Variants in CTNND2 observed in about 807,000 individuals in gnomAD.
CTNND2 encodes the protein catenin delta-2.
Under a neutral mutation model 144.4 loss-of-function variants are expected in CTNND2, and 22 were observed. The ratio of observed to expected loss-of-function variants is 0.15; its 90% CI spans 0.11 to 0.22. The LOEUF (loss-of-function observed/expected upper bound fraction) is 0.22, where lower values mean the gene tolerates loss of function less well. Ranked by LOEUF, CTNND2 falls within the 10% of genes least tolerant of loss-of-function variation. The pLI is 1.00. For synonymous variants in CTNND2, 751 were observed against 695.6 expected, an observed-to-expected ratio of 1.08 and a Z score of -1.25; for missense variants, 1,353 against 1,618.8, an observed-to-expected ratio of 0.84 and a Z score of 2.82.
chr5:11,424,307 AGTT>A (rs1762599198), intron 3 of CTNND2, among the ~76,000 whole-genome samples: 1 of 152,200 alleles, frequency 6.6e-6, no homozygotes. Flanking sequence ...ACAGATCAGT[AGTT>A]GTCAGGATTT....
intron 2 of CTNND2, among the ~76,000 whole-genome samples, chr5:11,579,239 C>T (rs1778220155): frequency 6.6e-6 from 1 of 151,336 alleles, no homozygotes; most frequent in African/African-American, 2.4e-5. Context: ...TTGCATCCTG[C>T]TAATCAAACA....
chr5:11,849,407 A>G (rs1794909780), intron 1 of CTNND2, among the ~76,000 whole-genome samples: 1 of 152,206 alleles, frequency 6.6e-6, no homozygotes, highest in Admixed American at 6.5e-5. Context: ...AGCCATGATC[A>G]GTAGAACGTG....
chr5:11,647,827 T>G (rs988858991), intron 2 of CTNND2, among the ~76,000 whole-genome samples: 1 of 152,144 alleles, frequency 6.6e-6, no homozygotes, highest in African/African-American at 2.4e-5. Context: ...GCCATGATCT[T>G]GCTCTAGAGT....
rs565047484 is a variant in CTNND2 at position 11,463,112 on chromosome 5, C to G, written c.288-51043G>C. On this transcript the variant is annotated intron_variant, in intron 3 of 21. Coordinates refer to ENST00000304623, the MANE Select transcript of CTNND2 (RefSeq NM_001332.4). ...ATTTTAGCATTTCATTTCAAGTGTA[C>G]TGTAATTATATTGCTTCTGGCTAAC... Among the ~76,000 whole-genome samples the G allele has an allele frequency of 9.2e-5, 14 of 152,324 alleles. No homozygotes were observed. The South Asian group carries it at 2.7e-3, about 29-fold the overall frequency.
At chr5:11,482,855 A>G (rs576812754) in intron 3 of CTNND2, among the ~76,000 whole-genome samples, 31 of 152,188 alleles carry the variant, frequency 2.0e-4, no homozygotes, top group African/African-American at 7.2e-4. Context: ...ACCAGGGTGC[A>G]AAGCAGGGAG....
intron 2 of CTNND2, among the ~76,000 whole-genome samples, chr5:11,617,394 G>A (rs1394566801): frequency 6.6e-6 from 1 of 152,132 alleles, no homozygotes; most frequent in Non-Finnish European, 1.5e-5. Flanking sequence ...ATCACTTGAT[G>A]TCATAGTTTC....
chr5:11,145,763 G>A (rs1204748632), intron 12 of CTNND2, among the ~76,000 whole-genome samples: 1 of 152,042 alleles, frequency 6.6e-6, no homozygotes, highest in African/African-American at 2.4e-5. Context: ...CGCAGTCTAC[G>A]AAAATCAAGA....
chr5:11,718,911 G>C (rs981170593), intron 2 of CTNND2, among the ~76,000 whole-genome samples: 12 of 152,136 alleles, frequency 7.9e-5, no homozygotes, highest in African/African-American at 2.4e-4. Context: ...CCCAGCTTGA[G>C]ACTGCATAGT....
At chr5:11,625,481 T>C (rs1237737557) in intron 2 of CTNND2, among the ~76,000 whole-genome samples, 3 of 151,794 alleles carry the variant, frequency 2.0e-5, no homozygotes, top group East Asian at 3.9e-4. Flanking sequence ...AACTAGGTCA[T>C]AGACTGAAGT....
At chr5:11,640,466 A>G (rs1195208467) in intron 2 of CTNND2, among the ~76,000 whole-genome samples, 1 of 152,222 alleles carries the variant, frequency 6.6e-6, no homozygotes, top group South Asian at 2.1e-4. Flanking sequence ...TGTAATGTTG[A>G]TATGTGGACA....
intron 9 of CTNND2, among the ~76,000 whole-genome samples, chr5:11,290,684 AC>A (rs1039268796): frequency 6.6e-6 from 1 of 152,210 alleles, no homozygotes; most frequent in Non-Finnish European, 1.5e-5. Context: ...CATCTGTTTT[AC>A]CCATGATCGG....
At chr5:11,320,145 T>TAA (rs1751890989) in intron 9 of CTNND2, among the ~76,000 whole-genome samples, 1 of 152,218 alleles carries the variant, frequency 6.6e-6, no homozygotes, top group Admixed American at 6.5e-5. Flanking sequence ...ATAGTTCACT[T>TAA]ACAACACAGG....
intron 11 of CTNND2, among the ~76,000 whole-genome samples, chr5:11,162,081 G>T (rs545543708): frequency 5.5e-4 from 65 of 118,936 alleles, no homozygotes; most frequent in African/African-American, 2.0e-3. Flanking sequence ...ACCTGGGAGT[G>T]GGGGGGGGTT....
chr5:11,864,778 G>T (rs1795666636), intron 1 of CTNND2, among the ~76,000 whole-genome samples: 1 of 151,928 alleles, frequency 6.6e-6, no homozygotes, highest in Non-Finnish European at 1.5e-5. Context: ...TCCCGTCAGT[G>T]CTCAGTGTCC....
At chr5:11,312,626 G>A (rs956001000) in intron 9 of CTNND2, among the ~76,000 whole-genome samples, 16 of 136,344 alleles carry the variant, frequency 1.2e-4, no homozygotes, top group Non-Finnish European at 1.8e-4. Flanking sequence ...ATTTGGGTGG[G>A]GACACAGCCA....
chr5:11,606,336 A>C (rs1780040671), intron 2 of CTNND2, among the ~76,000 whole-genome samples: 1 of 152,200 alleles, frequency 6.6e-6, no homozygotes, highest in African/African-American at 2.4e-5. Flanking sequence ...GAGATACATA[A>C]ACTGGTGTTG....
chr5:11,649,386 T>C (rs748090976), intron 2 of CTNND2, among the ~76,000 whole-genome samples: 4 of 152,270 alleles, frequency 2.6e-5, no homozygotes, highest in African/African-American at 7.2e-5. Context: ...GGTGTTATCT[T>C]GGATCACTGC....
rs183329523 is a variant in CTNND2 at position 11,058,575 on chromosome 5, G to A, written c.2788+24121C>T. 1.9e-3 allele frequency among the ~76,000 whole-genome samples: 295 copies of A among 152,346 alleles called. 2 individuals are homozygous for A. The highest frequency in any genetic ancestry group is 6.7e-3 in the African/African-American group (279 of 41,586). Reference sequence around the variant, plus strand: ...GGTCCTCATGGAGAACCTCTGCTCGGGCAGTGCGAAGGGAAATGTGGGATG... The same window carrying A: ...GGTCCTCATGGAGAACCTCTGCTCGAGCAGTGCGAAGGGAAATGTGGGATG... On this transcript the variant is annotated intron_variant, in intron 16 of 21. Transcript: ENST00000304623.
chr5:11,379,170 T>G (rs1304049756), intron 7 of CTNND2, among the ~76,000 whole-genome samples: 1 of 152,216 alleles, frequency 6.6e-6, no homozygotes, highest in East Asian at 1.9e-4. Context: ...CAAAAATTGG[T>G]ACTGGTGAAG....
Sources: allele counts gnomAD v4.1 joint callset (sites outside exome capture counted in the v4.1 genomes callset), GRCh38; gene constraint gnomAD v4.1.1; transcripts MANE v1.5; gene names NCBI Gene and HGNC (gene_info 2026-07-23, HGNC 2026-07-21).